The following PTPRQ variants were observed in gnomAD, a reference collection of about 807,000 sequenced individuals.
PTPRQ encodes the protein protein tyrosine phosphatase receptor type Q.
A neutral mutation model predicts 246.0 loss-of-function variants in PTPRQ; 199 were observed. The observed-to-expected ratio is 0.81, with a 90% CI of 0.72 to 0.91. PTPRQ has a LOEUF of 0.91. Ranked by LOEUF, PTPRQ falls within the 40% of genes least tolerant of loss-of-function variation. The pLI, the probability that PTPRQ is intolerant of heterozygous loss-of-function variation, is 0.00. For synonymous variants in PTPRQ, 869 were observed against 853.2 expected, an observed-to-expected ratio of 1.02 and a Z score of -0.32; for missense variants, 2,624 against 2,528.4, an observed-to-expected ratio of 1.04 and a Z score of -0.81.
At chr12:80,622,680 T>C (rs1899041172) in intron 33 of PTPRQ, among the ~76,000 whole-genome samples, 1 of 152,050 alleles carries the variant, frequency 6.6e-6, no homozygotes, top group Admixed American at 6.6e-5. Context: ...GAACAGGATT[T>C]CATAACATTA....
At chr12:80,603,537 C>A (rs1898211269) in intron 26 of PTPRQ, among the ~76,000 whole-genome samples, 2 of 151,498 alleles carry the variant, frequency 1.3e-5, no homozygotes, top group Non-Finnish European at 3.0e-5. Flanking sequence ...GATTCTGAAT[C>A]TTTTTTTGTA....
intron 25 of PTPRQ, among the ~76,000 whole-genome samples, chr12:80,561,946 C>G (rs755519595): frequency 6.6e-5 from 10 of 151,946 alleles, no homozygotes; most frequent in African/African-American, 9.7e-5. Flanking sequence ...GGAAATTACC[C>G]TTTACTTGTA....
intron 25 of PTPRQ, 32 bp downstream of exon 25, chr12:80,549,766 A>T (rs1243780795): frequency 1.3e-6 from 2 of 1,510,076 alleles, no homozygotes; most frequent in East Asian, 4.9e-5. Context: ...ACTAACATGA[A>T]ACCTTTAACT....
chr12:80,462,089 T>C (rs1893202064), intron 6 of PTPRQ: 1 of 623,360 alleles, frequency 1.6e-6, no homozygotes, highest in South Asian at 1.8e-5. Context: ...GCACAAGGGG[T>C]CAGGGAGTTC....
At chr12:80,544,460 A>G (rs892157053) in intron 23 of PTPRQ, among the ~76,000 whole-genome samples, 4 of 152,174 alleles carry the variant, frequency 2.6e-5, no homozygotes, top group African/African-American at 9.6e-5. Context: ...CACATCTTTA[A>G]TATTTCAGAA....
intron 38 of PTPRQ, among the ~76,000 whole-genome samples, chr12:80,654,692 C>A (rs1163021): frequency 0.32 from 40,858 of 128,372 alleles, 8,390 homozygotes; most frequent in African/African-American, 0.66. Context: ...TACTAAAAAT[C>A]CAAAAAAAAA....
chr12:80,623,227 A>G (rs1180247333), intron 33 of PTPRQ, among the ~76,000 whole-genome samples: 1 of 152,158 alleles, frequency 6.6e-6, no homozygotes, highest in Non-Finnish European at 1.5e-5. Flanking sequence ...TTATGGAAAT[A>G]CTAATTGTAT....
chr12:80,471,702 C>T (rs1893643019), intron 7 of PTPRQ, among the ~76,000 whole-genome samples: 2 of 150,282 alleles, frequency 1.3e-5, no homozygotes, highest in Non-Finnish European at 3.0e-5. Flanking sequence ...TGGTCTCGAT[C>T]TCCTGACCTC....
At chr12:80,452,630 A>G (rs1264237044) in intron 3 of PTPRQ, among the ~76,000 whole-genome samples, 1 of 152,144 alleles carries the variant, frequency 6.6e-6, no homozygotes, top group East Asian at 1.9e-4. Flanking sequence ...TATGAAGCTT[A>G]GTTTGGCTGG....
intron 43 of PTPRQ, among the ~76,000 whole-genome samples, chr12:80,674,215 C>T (rs1153041): frequency 0.43 from 65,823 of 151,902 alleles, 16,373 homozygotes; most frequent in African/African-American, 0.7. Flanking sequence ...GCAGTAAATA[C>T]GCAGGCCTGC....
chr12:80,455,214 C>A (rs2120448599), intron 3 of PTPRQ, among the ~76,000 whole-genome samples: 1 of 152,246 alleles, frequency 6.6e-6, no homozygotes, highest in African/African-American at 2.4e-5. Flanking sequence ...ATAGCTTTTG[C>A]TCTTTGCACA....
chr12:80,560,636 G>A (rs1896795405), intron 25 of PTPRQ, among the ~76,000 whole-genome samples: 1 of 152,124 alleles, frequency 6.6e-6, no homozygotes, highest in South Asian at 2.1e-4. Context: ...ACAAATAATA[G>A]TTTAAGATAC....
chr12:80,573,618 A>G (rs1897208910), intron 25 of PTPRQ, among the ~76,000 whole-genome samples: 1 of 152,162 alleles, frequency 6.6e-6, no homozygotes, highest in African/African-American at 2.4e-5. Flanking sequence ...ATCATTTTAT[A>G]TGTTATGTTT....
chr12:80,673,148 T>A (rs1901026787), intron 42 of PTPRQ, 21 bp from the exon 43 acceptor site: 1 of 1,548,918 alleles, frequency 6.5e-7, no homozygotes, highest in Non-Finnish European at 8.7e-7. Context: ...ATAATTTTCA[T>A]GTAATTTACC....
intron 6 of PTPRQ, among the ~76,000 whole-genome samples, chr12:80,467,202 G>A (rs1418360937): frequency 6.6e-6 from 1 of 152,126 alleles, no homozygotes; most frequent in East Asian, 1.9e-4. Flanking sequence ...CGAAGGACAT[G>A]AACAGACACT....
intron 35 of PTPRQ, among the ~76,000 whole-genome samples, chr12:80,646,424 T>C (rs1371467474): frequency 1.3e-5 from 2 of 152,198 alleles, no homozygotes; most frequent in Non-Finnish European, 2.9e-5. Context: ...TATAGCCAGT[T>C]ATGGTTTAAA....
chr12:80,620,070 A>G (rs1898919667), intron 31 of PTPRQ, 84 bp from the exon 32 acceptor site: 1 of 1,429,098 alleles, frequency 7.0e-7, no homozygotes, highest in Admixed American at 2.8e-5. Flanking sequence ...GTCCCCTTAT[A>G]CAATTATAAA....
intron 31 of PTPRQ, among the ~76,000 whole-genome samples, chr12:80,619,850 G>A (rs1432268640): frequency 2.6e-5 from 4 of 151,542 alleles, no homozygotes; most frequent in African/African-American, 9.7e-5. Context: ...AGATAAACAT[G>A]TTTTGATTTT....
In PTPRQ at chr12:80,659,936, A is replaced by G. The variant is rs1183798742; in HGVS notation, c.6192+1875A>G. On this transcript the variant is annotated intron_variant, in intron 39 of 44. Transcript: ENST00000644991. ...CTCAGAGAAATCTCCTTTGCTCAGG[A>G]TGTCAAGAACAGATGGGAACAGATG... 2.0e-5 allele frequency among the ~76,000 whole-genome samples: 3 copies of G among 152,130 alleles called. No individual in the cohort carries two copies. The East Asian group carries it at 5.8e-4, about 30-fold the overall frequency.
Sources: allele counts gnomAD v4.1 joint callset (sites outside exome capture counted in the v4.1 genomes callset), GRCh38; gene constraint gnomAD v4.1.1; transcripts MANE v1.5; gene names NCBI Gene and HGNC (gene_info 2026-07-23, HGNC 2026-07-21).